The following NBEA variants were observed in gnomAD, a reference collection of about 807,000 sequenced individuals.
NBEA encodes lysosomal-trafficking regulator 2.
In NBEA, 44 loss-of-function variants were observed where a neutral mutation model predicts 343.4. That is an observed-to-expected ratio of 0.13 (90% CI 0.10 to 0.16). The LOEUF is 0.16. NBEA is among the 10% of genes least tolerant of loss of function. The probability of loss-of-function intolerance (pLI) is 1.00; values close to 1 mark genes in which losing one functional copy is unlikely to be tolerated. For missense variants in NBEA, 2,555 were observed against 3,631.3 expected (o/e 0.70, Z 7.62); for synonymous variants, 1,175 against 1,238.7 (o/e 0.95, Z 1.08).
chr13:35,311,380 C>A (rs1292872495), intron 36 of NBEA, among the ~76,000 whole-genome samples: 1 of 151,340 alleles, frequency 6.6e-6, no homozygotes, highest in African/African-American at 2.4e-5. Flanking sequence ...AGAATTGAAC[C>A]TCTAAACACT....
Position 35,368,976 on chromosome 13 carries a change from C to T in NBEA, c.6179+16653C>T, listed in dbSNP as rs566374050. 4.6e-5 allele frequency among the ~76,000 whole-genome samples: 7 copies of T among 151,750 alleles called. No individual in the cohort carries two copies. In the East Asian group the frequency reaches 1.2e-3, roughly 25 times the overall value. Reference sequence around the variant, plus strand: ...CCTCTGACCAATTAACAAATACAACCAAACCATCTAAGGCACACATCAGTG... The same window carrying T: ...CCTCTGACCAATTAACAAATACAACTAAACCATCTAAGGCACACATCAGTG... On this transcript the variant is annotated intron_variant, in intron 38 of 58. Coordinates refer to ENST00000379939, the MANE Select transcript of NBEA (RefSeq NM_001385012.1).
At chr13:35,514,572 A>G (rs1354940595) in intron 41 of NBEA, among the ~76,000 whole-genome samples, 1 of 152,098 alleles carries the variant, frequency 6.6e-6, no homozygotes, top group Non-Finnish European at 1.5e-5. Context: ...AGGAATTTTT[A>G]TTAATTTTTG....
At chr13:35,479,302 G>A (rs2076022947) in intron 41 of NBEA, among the ~76,000 whole-genome samples, 1 of 152,136 alleles carries the variant, frequency 6.6e-6, no homozygotes, top group Admixed American at 6.5e-5. Context: ...TGGGCGCCCT[G>A]GAATGAATAA....
intron 48 of NBEA, among the ~76,000 whole-genome samples, chr13:35,615,129 C>CAAAAAAAAAAAA (rs34475826): frequency 6.3e-5 from 7 of 110,964 alleles, no homozygotes; most frequent in Admixed American, 9.6e-5. Flanking sequence ...ACTAAAAATA[C>CAAAAAAAAAAAA]AAAAAAAAAA....
intron 10 of NBEA, among the ~76,000 whole-genome samples, chr13:35,094,591 G>A (rs1301125217): frequency 2.6e-5 from 4 of 151,892 alleles, no homozygotes; most frequent in South Asian, 2.1e-4. Context: ...GTGTGTCACC[G>A]AAAATTATCT....
At chr13:35,588,268 A>C (rs1340475869) in intron 46 of NBEA, among the ~76,000 whole-genome samples, 4 of 152,108 alleles carry the variant, frequency 2.6e-5, no homozygotes, top group Non-Finnish European at 4.4e-5. Flanking sequence ...CGTGGTTATA[A>C]ATAAAAGTAT....
intron 45 of NBEA, among the ~76,000 whole-genome samples, chr13:35,578,645 A>G (rs1593274310): frequency 6.6e-6 from 1 of 152,196 alleles, no homozygotes; most frequent in Non-Finnish European, 1.5e-5. Context: ...ACTTATGAAA[A>G]TCAGTCTAGA....
chr13:35,028,497 C>T (rs1031607442), intron 1 of NBEA, among the ~76,000 whole-genome samples: 3 of 151,748 alleles, frequency 2.0e-5, no homozygotes, highest in Non-Finnish European at 3.0e-5. Flanking sequence ...TATGTTGATC[C>T]TGTTACCTAG....
chr13:35,077,129 A>G (rs2064156601), intron 10 of NBEA, among the ~76,000 whole-genome samples: 1 of 152,088 alleles, frequency 6.6e-6, no homozygotes, highest in South Asian at 2.1e-4. Context: ...AAGATTTAGT[A>G]AAGCATACTA....
chr13:35,259,653 C>T (rs2152796853), intron 34 of NBEA, among the ~76,000 whole-genome samples: 1 of 151,864 alleles, frequency 6.6e-6, no homozygotes, highest in South Asian at 2.1e-4. Context: ...ATTTTATTAG[C>T]AATTTTAAAA....
intron 48 of NBEA, among the ~76,000 whole-genome samples, chr13:35,622,957 T>C (rs2083061137): frequency 6.6e-6 from 1 of 152,196 alleles, no homozygotes; most frequent in South Asian, 2.1e-4. Context: ...TGGGAGAAAA[T>C]AGAAATTAGA....
chr13:35,218,397 T>C (rs2074181466), intron 33 of NBEA, among the ~76,000 whole-genome samples: 1 of 152,098 alleles, frequency 6.6e-6, no homozygotes, highest in Middle Eastern at 3.2e-3. Flanking sequence ...TATTTTTCTA[T>C]AGATTGTTTC....
At chr13:35,117,664 A>G (rs919583991) in intron 14 of NBEA, among the ~76,000 whole-genome samples, 171 bp downstream of exon 14, 17 of 151,998 alleles carry the variant, frequency 1.1e-4, no homozygotes, top group African/African-American at 3.6e-4. Context: ...TTCTGATTAA[A>G]TGCTCTCTGA....
intron 36 of NBEA, among the ~76,000 whole-genome samples, chr13:35,336,996 G>A (rs1037887406): frequency 6.6e-6 from 1 of 152,048 alleles, no homozygotes; most frequent in South Asian, 2.1e-4. Context: ...TAACAAACAT[G>A]CCCATATACC....
At chr13:35,470,819 A>C (rs1459577643) in intron 40 of NBEA, among the ~76,000 whole-genome samples, 2 of 152,194 alleles carry the variant, frequency 1.3e-5, no homozygotes, top group African/African-American at 4.8e-5. Flanking sequence ...GGCCTGGGGA[A>C]TAGAAACCCA....
intron 47 of NBEA, among the ~76,000 whole-genome samples, chr13:35,598,745 T>C (rs1409476913): frequency 6.6e-6 from 1 of 152,196 alleles, no homozygotes; most frequent in Non-Finnish European, 1.5e-5. Context: ...ATTTTAACTT[T>C]TATAAAAGGG....
chr13:34,947,027 G>T (rs1229892334), intron 1 of NBEA, among the ~76,000 whole-genome samples: 1 of 151,590 alleles, frequency 6.6e-6, no homozygotes, highest in African/African-American at 2.4e-5. Context: ...TAGAATCATG[G>T]AGGTCCTTAA....
chr13:34,969,431 A>T (rs573989927), intron 1 of NBEA, among the ~76,000 whole-genome samples: 4 of 151,294 alleles, frequency 2.6e-5, no homozygotes, highest in Admixed American at 2.6e-4. Flanking sequence ...GTACAGGTAG[A>T]GTGCTTTTGG....
chr13:34,999,864 T>A (rs1403963036), intron 1 of NBEA, among the ~76,000 whole-genome samples: 1 of 152,148 alleles, frequency 6.6e-6, no homozygotes, highest in Non-Finnish European at 1.5e-5. Context: ...GGCATTCTAT[T>A]TCAAAGCCCA....
Sources: gnomAD v4.1 joint callset for allele counts (sites outside exome capture counted in the v4.1 genomes callset) on GRCh38, gnomAD v4.1.1 for gene constraint, MANE v1.5 for transcripts, NCBI Gene and HGNC (gene_info 2026-07-23, HGNC 2026-07-21) for gene names.